The following LRRC39 variants were observed in gnomAD, a reference collection of about 807,000 sequenced individuals.
The protein encoded by LRRC39 is leucine rich repeat containing 39.
Under a neutral mutation model 39.7 loss-of-function variants are expected in LRRC39, and 35 were observed. The ratio of observed to expected loss-of-function variants is 0.88; its 90% CI spans 0.67 to 1.17. The LOEUF (loss-of-function observed/expected upper bound fraction) is 1.17, where lower values mean the gene tolerates loss of function less well. Ranked by LOEUF, LRRC39 falls within the 50% of genes most tolerant of loss-of-function variation. The probability of loss-of-function intolerance (pLI) is 0.00; values close to 1 mark genes in which losing one functional copy is unlikely to be tolerated. For synonymous variants in LRRC39, 113 were observed against 134.1 expected (o/e 0.84, Z 1.09); for missense variants, 357 against 385.8 (o/e 0.93, Z 0.62).
intron 3 of LRRC39, among the ~76,000 whole-genome samples, chr1:100,164,442 C>T (rs938861230): frequency 3.3e-5 from 5 of 152,158 alleles, no homozygotes; most frequent in African/African-American, 1.2e-4. Flanking sequence ...TGGTCCTACT[C>T]CAGACTTACT....
intron 2 of LRRC39, among the ~76,000 whole-genome samples, chr1:100,171,674 T>TC (rs1242316801): frequency 1.3e-5 from 2 of 151,258 alleles, no homozygotes; most frequent in East Asian, 1.9e-4. Context: ...GGCTTGTTTT[T>TC]TTTTTTTTTT....
intron 3 of LRRC39, among the ~76,000 whole-genome samples, chr1:100,165,182 T>TAC (rs1172528209): frequency 5.3e-5 from 8 of 152,326 alleles, no homozygotes; most frequent in Admixed American, 5.2e-4. Flanking sequence ...AAAACTACAT[T>TAC]ACACAAATTC....
At chr1:100,154,505 A>G (rs1234880287) in intron 8 of LRRC39, among the ~76,000 whole-genome samples, 1 of 152,216 alleles carries the variant, frequency 6.6e-6, no homozygotes, top group Non-Finnish European at 1.5e-5. Context: ...TGTCAGCTGT[A>G]TGGTAACATA....
At chr1:100,160,626 C>CTTTTT in intron 3 of LRRC39, 55 bp from the exon 4 acceptor site, 3 of 1,118,060 alleles carry the variant, frequency 2.7e-6, no homozygotes, top group South Asian at 1.6e-5. Flanking sequence ...GTGGCATTCA[C>CTTTTT]TTTTTTTTTT....
At chr1:100,166,892 T>C (rs1659285917) in intron 3 of LRRC39, among the ~76,000 whole-genome samples, 1 of 152,200 alleles carries the variant, frequency 6.6e-6, no homozygotes, top group Non-Finnish European at 1.5e-5. Context: ...GTCCGTTTGC[T>C]CTTCCTTCAT....
At chr1:100,166,071 C>G (rs1036548909) in intron 3 of LRRC39, among the ~76,000 whole-genome samples, 5 of 152,060 alleles carry the variant, frequency 3.3e-5, no homozygotes, top group Non-Finnish European at 7.4e-5. Context: ...TTCTCATTCT[C>G]TCTTTGCTGA....
intron 8 of LRRC39, among the ~76,000 whole-genome samples, chr1:100,153,332 T>A (rs1328673288): frequency 5.3e-5 from 8 of 152,150 alleles, no homozygotes; most frequent in Non-Finnish European, 2.9e-5. Flanking sequence ...AAATGTCACA[T>A]CTGAAACAGT....
At position 100,155,043 on chromosome 1, in the gene LRRC39, C is replaced by A; in HGVS notation, c.812+8G>T. Reference sequence around the variant, plus strand: ...AGGTTTTTCAGTTTTGTGCCTACAACTTTTTACCTCAGATTTGCCATTTCT... The same window carrying A: ...AGGTTTTTCAGTTTTGTGCCTACAAATTTTTACCTCAGATTTGCCATTTCT... On this transcript the variant is annotated splice_region_variant and intron_variant, in intron 8 of 9. Coordinates refer to ENST00000370137, the MANE Select transcript of LRRC39 (RefSeq NM_144620.4). The A allele has an allele frequency of 6.4e-7, 1 of 1,559,586 alleles. No homozygotes were observed. Among genetic ancestry groups the A allele is most frequent in the Middle Eastern group, 1.7e-4 (1 of 5,834 alleles).
intron 2 of LRRC39, among the ~76,000 whole-genome samples, chr1:100,172,049 T>C (rs1659649658): frequency 1.3e-5 from 2 of 151,986 alleles, no homozygotes; most frequent in Non-Finnish European, 2.9e-5. Context: ...ATATTATAGA[T>C]AAACACACAC....
rs893951138 is a variant in LRRC39, at chr1:100,159,261, A to G, written c.374T>C (p.Ile125Thr). Reference sequence around the variant, plus strand: ...GGAATAAAAGTAATCTTTCTTACCAATCCCTGGTGGTATCTCTGAAATTGT... The same window carrying G: ...GGAATAAAAGTAATCTTTCTTACCAGTCCCTGGTGGTATCTCTGAAATTGT... Reference protein sequence around the residue: ...RNTISEIPPGIGLLTRLQELI... With the variant: ...RNTISEIPPGTGLLTRLQELI... Residue 125 changes from isoleucine to threonine, a missense_variant and splice_region_variant, in exon 5 of 10, where the codon ATT becomes ACT. Physicochemically the swap from Ile to Thr is moderately conservative, Grantham distance 89 (BLOSUM62 -1). Coordinates refer to ENST00000370137, the MANE Select transcript of LRRC39 (RefSeq NM_144620.4). 1.3e-6 allele frequency: 2 copies of G among 1,590,338 alleles called. No individual in the cohort carries two copies. Among genetic ancestry groups the G allele is most frequent in the Non-Finnish European group, 1.7e-6 (2 of 1,169,958 alleles).
At position 100,156,128 on chromosome 1, in the gene LRRC39, G is replaced by T. The variant is rs200622725; in HGVS notation, c.659+44C>A. 4.5e-6 allele frequency: 7 copies of T among 1,569,602 alleles called. No homozygotes were observed. The East Asian group carries it at 1.6e-4, about 35-fold the overall frequency. On this transcript the variant is annotated intron_variant, in intron 7 of 9. Transcript: ENST00000370137. ...CTTGCTTGGTTATTTTTCATAAGAG[G>T]TTTCAAGACTTTTATCATTAGCATA...
chr1:100,148,564 T>A lies in LRRC39; in HGVS notation c.*478A>T. 1 of 1,458,808 alleles carries A rather than the reference T, an allele frequency of 6.9e-7. No homozygotes were observed. 90.4% of individuals were successfully genotyped at this position (1,458,808 alleles called of 1,614,324 possible). A position where few individuals can be genotyped will look rare whatever the true frequency, so the allele number is the denominator to read the frequency against. Reference sequence around the variant, plus strand: ...GTCTCTCAATAAATAGTGACAAAAATAATTTTTTATAAACTTTTGCAAAAT... The same window carrying A: ...GTCTCTCAATAAATAGTGACAAAAAAAATTTTTTATAAACTTTTGCAAAAT... On this transcript the variant is annotated 3_prime_UTR_variant, in exon 10 of 10. Coordinates refer to ENST00000370137, the MANE Select transcript of LRRC39 (RefSeq NM_144620.4).
At chr1:100,150,529 TACACACCCAAGAA>T (rs1657890946) in intron 9 of LRRC39, 4 of 152,326 alleles carry the variant, frequency 2.6e-5, no homozygotes, top group Middle Eastern at 3.4e-3. Flanking sequence ...AAAATATACA[TACACACCCAAGAA>T]TTATCATACA....
rs559904630 is a variant in LRRC39, at chr1:100,172,138, C to G, written c.-79+1193G>C. 1.4e-3 allele frequency among the ~76,000 whole-genome samples: 212 copies of G among 152,170 alleles called. No homozygotes were observed. The South Asian group carries it at 0.026, about 19-fold the overall frequency. On this transcript the variant is annotated intron_variant, in intron 2 of 9. Coordinates refer to ENST00000370137, the MANE Select transcript of LRRC39 (RefSeq NM_144620.4). ...CTCTCCACAAACAAAATGCTGGTCC[C>G]AGAGATGACTTCAGTGGAAAATTCT...
chr1:100,150,301 T>C (rs1003227083), intron 9 of LRRC39: 5 of 152,234 alleles, frequency 3.3e-5, no homozygotes, highest in Admixed American at 3.3e-4. Context: ...TTTCCCTTGT[T>C]ATAAGTTTTA....
intron 1 of LRRC39, among the ~76,000 whole-genome samples, chr1:100,177,684 T>C (rs999163667): frequency 6.6e-6 from 1 of 152,250 alleles, no homozygotes; most frequent in Non-Finnish European, 1.5e-5. Flanking sequence ...ACATGTATTT[T>C]AGAAGACATG....
In LRRC39 at chr1:100,159,433, A is replaced by T. The variant is rs368475713; in HGVS notation, c.220-18T>A. 52 of 1,571,432 alleles carry T rather than the reference A, an allele frequency of 3.3e-5. No individual in the cohort carries two copies. The highest frequency in any genetic ancestry group is 4.4e-5 in the Non-Finnish European group (51 of 1,162,226). ...GGGAGGGTCTACAGTAAAAGAAATGATGGTTGTTGTATATTACTTAAATTT... is the reference window on the plus strand; with the variant it reads ...GGGAGGGTCTACAGTAAAAGAAATGTTGGTTGTTGTATATTACTTAAATTT... On this transcript the variant is annotated intron_variant, in intron 4 of 9. Coordinates refer to ENST00000370137, the MANE Select transcript of LRRC39 (RefSeq NM_144620.4).
In LRRC39 at chr1:100,158,344, G is replaced by C. The variant is rs1557924493; in HGVS notation, c.400C>G (p.Leu134Val). ...GIGLLTRLQELILSYNKIKTV... is the reference protein window; with the variant it reads ...GIGLLTRLQEVILSYNKIKTV... Reference sequence around the variant, plus strand: ...TTGATTTTGTTGTAGCTGAGAATCAGTTCCTGAAGTCTAGTAAGCAGTCCT... The same window carrying C: ...TTGATTTTGTTGTAGCTGAGAATCACTTCCTGAAGTCTAGTAAGCAGTCCT... Residue 134 changes from leucine to valine, a missense_variant, in exon 6 of 10, where the codon CTG becomes GTG. Transcript: ENST00000370137. 2 of 1,613,532 alleles carry C rather than the reference G, an allele frequency of 1.2e-6. No individual in the cohort carries two copies. Among genetic ancestry groups the C allele is most frequent in the Non-Finnish European group, 1.7e-6 (2 of 1,179,556 alleles).
chr1:100,148,801 C>G lies in LRRC39; in HGVS notation c.*241G>C. The G allele has an allele frequency of 6.6e-7, 1 of 1,511,100 alleles. No individual in the cohort carries two copies. Among genetic ancestry groups the G allele is most frequent in the Non-Finnish European group, 8.8e-7 (1 of 1,132,156 alleles). 93.6% of individuals were successfully genotyped at this position (1,511,100 alleles called of 1,614,324 possible). On this transcript the variant is annotated 3_prime_UTR_variant, in exon 10 of 10. Transcript: ENST00000370137. ...ACTGCTTTACCAAATCATTCTTCATCACCAGAAACAACTGCTTAATGGAAA... is the reference window on the plus strand; with the variant it reads ...ACTGCTTTACCAAATCATTCTTCATGACCAGAAACAACTGCTTAATGGAAA...
Sources: gnomAD v4.1 joint callset for allele counts (sites outside exome capture counted in the v4.1 genomes callset) on GRCh38, gnomAD v4.1.1 for gene constraint, MANE v1.5 for transcripts, NCBI Gene and HGNC (gene_info 2026-07-23, HGNC 2026-07-21) for gene names.